The following L3HYPDH variants were observed in gnomAD, a reference collection of about 807,000 sequenced individuals.
L3HYPDH encodes the protein trans-L-3-hydroxyproline dehydratase, also known as trans-3-hydroxy-L-proline dehydratase.
L3HYPDH carries 32 observed loss-of-function variants against 26.5 expected under a neutral mutation model. The observed-to-expected ratio is 1.21, with a 90% CI of 0.91 to 1.62. The LOEUF is 1.62. Ranked by LOEUF, L3HYPDH falls within the 40% of genes most tolerant of loss-of-function variation. The pLI is 0.00. For synonymous variants in L3HYPDH, 215 were observed against 196.6 expected (o/e 1.09, Z -0.78); for missense variants, 554 against 476.4 (o/e 1.16, Z -1.52).
chr14:59,484,821 C>A, upstream of L3HYPDH: 1 of 967,450 alleles, frequency 1.0e-6, no homozygotes, highest in Non-Finnish European at 1.5e-6. Context: ...AATGCCAGGT[C>A]TTTGTTGTTT....
the L3HYPDH span, among the ~76,000 whole-genome samples, chr14:59,496,878 A>G: frequency 6.6e-6 from 1 of 152,172 alleles, no homozygotes; most frequent in African/African-American, 2.4e-5. Flanking sequence ...ATTATATAGT[A>G]TCTTATAGCA....
At chr14:59,487,981 C>T (rs1890708773), upstream of L3HYPDH, among the ~76,000 whole-genome samples, 1 of 152,124 alleles carries the variant, frequency 6.6e-6, no homozygotes, top group Non-Finnish European at 1.5e-5. Context: ...GACAAGAAAA[C>T]TTAACAATAG....
the L3HYPDH span, among the ~76,000 whole-genome samples, chr14:59,491,339 T>G: frequency 6.6e-6 from 1 of 152,146 alleles, no homozygotes; most frequent in Non-Finnish European, 1.5e-5. Flanking sequence ...AGACTCAAAA[T>G]TAGTTTAATG....
intron 4 of L3HYPDH, chr14:59,474,898 A>G (rs1427310694): frequency 6.0e-6 from 1 of 166,900 alleles, no homozygotes; most frequent in Non-Finnish European, 1.3e-5. Context: ...ATGGTTTCAC[A>G]TGTTTCAGAT....
downstream of L3HYPDH, among the ~76,000 whole-genome samples, chr14:59,468,312 C>A (rs1298072842): frequency 6.6e-6 from 1 of 152,228 alleles, no homozygotes; most frequent in Non-Finnish European, 1.5e-5. Context: ...CATGATTTGA[C>A]CCTGCTTCCT....
rs754486848 is a variant in L3HYPDH at position 59,484,289 on chromosome 14, GC to G, written c.27del (p.Leu10CysfsTer71). On this transcript the variant is annotated frameshift_variant, in exon 1 of 5. Coordinates refer to ENST00000247194, the MANE Select transcript of L3HYPDH (RefSeq NM_144581.2). LOFTEE classifies it high-confidence loss of function. MESALAVP[R>X]LPPHDPGTPV... is the part of the protein sequence containing the mutation. ...GGCGTCCCTGGATCATGCGGGGGCA[GC>G]CGGGGCACCGCCAGCGCGCTCTCCA... 5.7e-6 allele frequency: 9 copies of G among 1,592,856 alleles called. No individual in the cohort carries two copies. In the African/African-American group the frequency reaches 1.2e-4, roughly 21 times the overall value.
At chr14:59,470,960 G>GT (rs1415178173), downstream of L3HYPDH, among the ~76,000 whole-genome samples, 1 of 133,608 alleles carries the variant, frequency 7.5e-6, no homozygotes, top group African/African-American at 2.7e-5. Flanking sequence ...GGGGGCGGGG[G>GT]GGGGGGGAGG....
At chr14:59,467,604 C>T (rs903987742) in intron 1 of L3HYPDH, among the ~76,000 whole-genome samples, 2 of 152,144 alleles carry the variant, frequency 1.3e-5, no homozygotes, top group African/African-American at 4.8e-5. Context: ...CCCCCCTCGG[C>T]CCCATCTCAC....
chr14:59,468,910 G>A (rs1230430409), downstream of L3HYPDH, among the ~76,000 whole-genome samples: 1 of 152,100 alleles, frequency 6.6e-6, no homozygotes, highest in African/African-American at 2.4e-5. Flanking sequence ...GGTAGTATAT[G>A]GATTAGGATT....
At chr14:59,485,305 TATTA>T (rs1020735635), upstream of L3HYPDH, among the ~76,000 whole-genome samples, 12 of 152,248 alleles carry the variant, frequency 7.9e-5, no homozygotes, top group African/African-American at 2.4e-4. Context: ...CATTTTCATG[TATTA>T]ATTTAGAACA....
the L3HYPDH span, chr14:59,504,320 C>T: frequency 2.1e-6 from 1 of 470,730 alleles, no homozygotes; most frequent in Non-Finnish European, 3.8e-6. Flanking sequence ...GAAGCCCTTG[C>T]TTCTCTCAAC....
At chr14:59,505,236 G>T in the L3HYPDH span, 1 of 1,451,822 alleles carries the variant, frequency 6.9e-7, no homozygotes, top group Non-Finnish European at 9.2e-7. Context: ...TTGTATCCTT[G>T]AGTTACTTTG....
At chr14:59,473,907 T>G (rs1889441211) in intron 4 of L3HYPDH, among the ~76,000 whole-genome samples, 1 of 152,086 alleles carries the variant, frequency 6.6e-6, no homozygotes, top group Admixed American at 6.6e-5. Context: ...TCAGGGAGCC[T>G]GGACGGGCCC....
At chr14:59,504,262 ACT>A in the L3HYPDH span, 1 of 586,828 alleles carries the variant, frequency 1.7e-6, no homozygotes, top group East Asian at 2.8e-5. Context: ...ACTCTGTAAT[ACT>A]CTGTTACACA....
At chr14:59,486,632 TG>T, upstream of L3HYPDH, 3 of 933,540 alleles carry the variant, frequency 3.2e-6, no homozygotes, top group Non-Finnish European at 4.9e-6. Flanking sequence ...CTGTTATTTT[TG>T]CCAAATGCTT....
At chr14:59,494,121 G>GGTGTGTGT in the L3HYPDH span, among the ~76,000 whole-genome samples, 54,810 of 150,954 alleles carry the variant, frequency 0.36, 10,577 homozygotes, top group African/African-American at 0.5. Flanking sequence ...AGAAAATTTG[G>GGTGTGTGT]GTGTGTGTGT....
intron 2 of L3HYPDH, 109 bp downstream of exon 2, chr14:59,479,073 T>C (rs1247994059): frequency 2.3e-5 from 19 of 837,994 alleles, no homozygotes; most frequent in Non-Finnish European, 3.4e-5. Context: ...CTATTCTTAG[T>C]ACTATTAATA....
chr14:59,501,369 A>G, the L3HYPDH span: 2 of 732,266 alleles, frequency 2.7e-6, no homozygotes, highest in Admixed American at 6.1e-5. Context: ...TAATTGTTTT[A>G]GTAATCTTTG....
chr14:59,473,102 T>C lies in L3HYPDH; in HGVS notation c.940-12A>G, dbSNP rs201944411. Reference sequence around the variant, plus strand: ...CCACATTTCGCTTCCTGAAAAAAGATGAAGGGAGTATACTATCAAAATATT... The same window carrying C: ...CCACATTTCGCTTCCTGAAAAAAGACGAAGGGAGTATACTATCAAAATATT... On this transcript the variant is annotated splice_polypyrimidine_tract_variant and intron_variant, in intron 4 of 4. Coordinates refer to ENST00000247194, the MANE Select transcript of L3HYPDH (RefSeq NM_144581.2). The C allele has an allele frequency of 1.3e-6, 2 of 1,581,358 alleles. No homozygotes were observed. The highest frequency in any genetic ancestry group is 1.4e-5 in the African/African-American group (1 of 72,850).
Sources: gnomAD v4.1 joint callset for allele counts (sites outside exome capture counted in the v4.1 genomes callset) on GRCh38, gnomAD v4.1.1 for gene constraint, MANE v1.5 for transcripts, NCBI Gene and HGNC (gene_info 2026-07-23, HGNC 2026-07-21) for gene names.